The following TCF7L2 variants were observed in gnomAD, a reference collection of about 807,000 sequenced individuals.
TCF7L2 encodes transcription factor 7-like 2.
Under a neutral mutation model 77.9 loss-of-function variants are expected in TCF7L2, and 23 were observed. The ratio of observed to expected loss-of-function variants is 0.30; its 90% CI spans 0.21 to 0.42. The LOEUF is 0.42. Among genes scored for constraint, TCF7L2 ranks in the 10% least tolerant of loss-of-function variants. The pLI, the probability that TCF7L2 is intolerant of heterozygous loss-of-function variation, is 1.00. For missense variants in TCF7L2, 654 were observed against 793.1 expected (o/e 0.82, Z 2.11); for synonymous variants, 413 against 340.2 (o/e 1.21, Z -2.36).
At chr10:112,963,831 A>C (rs924169996) in intron 3 of TCF7L2, among the ~76,000 whole-genome samples, 1 of 152,208 alleles carries the variant, frequency 6.6e-6, no homozygotes, top group Non-Finnish European at 1.5e-5. Flanking sequence ...GTCTGAGCCA[A>C]TCAGTGACTT....
At chr10:112,995,900 CTG>C in intron 4 of TCF7L2, among the ~76,000 whole-genome samples, 1 of 152,236 alleles carries the variant, frequency 6.6e-6, no homozygotes, top group East Asian at 1.9e-4. Context: ...CCAGAAATAT[CTG>C]TGAGTAAATA....
At chr10:113,010,471 G>C (rs1419601454) in intron 4 of TCF7L2, among the ~76,000 whole-genome samples, 1 of 152,128 alleles carries the variant, frequency 6.6e-6, no homozygotes, top group East Asian at 1.9e-4. Flanking sequence ...AGTCCTATGC[G>C]TTCTGTGCCG....
intron 12 of TCF7L2, 133 bp downstream of exon 13, chr10:113,158,850 C>A: frequency 1.3e-6 from 1 of 750,908 alleles, no homozygotes; most frequent in Non-Finnish European, 1.9e-6. Context: ...AACACGGTTT[C>A]GTATGTTTCA....
At chr10:112,965,833 A>T (rs1314892535) in intron 4 of TCF7L2, among the ~76,000 whole-genome samples, 2 of 152,134 alleles carry the variant, frequency 1.3e-5, no homozygotes, top group Non-Finnish European at 2.9e-5. Flanking sequence ...TATTTGGTGC[A>T]TTCCTAGTGT....
chr10:112,953,646 T>G (rs1197337176), intron 3 of TCF7L2, among the ~76,000 whole-genome samples: 1 of 152,240 alleles, frequency 6.6e-6, no homozygotes, highest in Non-Finnish European at 1.5e-5. Flanking sequence ...TGTCTGATAC[T>G]GGCAATCTTG....
chr10:113,146,625 T>G (rs973997022), intron 8 of TCF7L2, among the ~76,000 whole-genome samples: 4 of 151,908 alleles, frequency 2.6e-5, no homozygotes, highest in Admixed American at 6.5e-5. Context: ...GTTTTTGTTT[T>G]TTTTTTTTTA....
chr10:112,974,560 A>G (rs2038993851), intron 4 of TCF7L2, among the ~76,000 whole-genome samples: 1 of 152,102 alleles, frequency 6.6e-6, no homozygotes, highest in South Asian at 2.1e-4. Flanking sequence ...TCTCTGCCTC[A>G]GCCTCCCGAG....
At chr10:112,978,797 A>G (rs1336456849) in intron 4 of TCF7L2, among the ~76,000 whole-genome samples, 2 of 151,814 alleles carry the variant, frequency 1.3e-5, no homozygotes, top group African/African-American at 4.8e-5. Context: ...TGATTTTTAT[A>G]TAATAATATA....
At chr10:113,097,879 C>T (rs931355126) in intron 5 of TCF7L2, among the ~76,000 whole-genome samples, 3 of 151,080 alleles carry the variant, frequency 2.0e-5, no homozygotes, top group African/African-American at 7.3e-5. Context: ...TGGTGAAACC[C>T]TGTCTTTGCT....
At position 112,988,799 on chromosome 10, in the gene TCF7L2, G is replaced by A. The variant is rs4074719; in HGVS notation, c.450+24175G>A. Among the ~76,000 whole-genome samples, 592 of 152,160 alleles carry A rather than the reference G, an allele frequency of 3.9e-3. 3 individuals are homozygous for A. Among genetic ancestry groups the A allele is most frequent in the African/African-American group, 0.013 (555 of 41,510 alleles). ...CATTCCTCCAGAAATAACCTTAATA[G>A]CAACAAGAAAAAAGAATAGGTGTTT... is the stretch of plus-strand genomic sequence containing the variant. On this transcript the variant is annotated intron_variant, in intron 4 of 13. Transcript: ENST00000627217.
chr10:113,121,466 A>C (rs2136290643), intron 5 of TCF7L2, among the ~76,000 whole-genome samples: 1 of 152,310 alleles, frequency 6.6e-6, no homozygotes, highest in Non-Finnish European at 1.5e-5. Context: ...CTAATTGGTG[A>C]AAGTTTTTTT....
At chr10:113,102,284 T>C (rs2061749781) in intron 5 of TCF7L2, among the ~76,000 whole-genome samples, 1 of 152,138 alleles carries the variant, frequency 6.6e-6, no homozygotes, top group Admixed American at 6.6e-5. Flanking sequence ...TCACTGTTTA[T>C]GCCTAAGTTT....
rs923279401 is a variant in TCF7L2, at chr10:113,126,940, T to A, written c.553-14244T>A. The A allele has an allele frequency of 4.9e-5, 48 of 984,722 alleles. No homozygotes were observed. In the African/African-American group the frequency reaches 7.3e-4, roughly 15 times the overall value. The allele number at this position is 984,722 out of a possible 1,614,324, so 61.0% of individuals were successfully genotyped here. On this transcript the variant is annotated intron_variant, in intron 5 of 13. Coordinates refer to ENST00000627217, the MANE Select transcript of TCF7L2 (RefSeq NM_001146274.2). ...GGTGCGCGGTGGCCGGCCCGCTGCA[T>A]CCCGCGCGCCTGCCCTGCTGCGTCC...
chr10:113,080,127 C>T (rs918133796), intron 5 of TCF7L2, among the ~76,000 whole-genome samples: 1 of 151,836 alleles, frequency 6.6e-6, no homozygotes, highest in Non-Finnish European at 1.5e-5. Context: ...AGGGTTTTCC[C>T]CCTTCTCACA....
chr10:113,110,905 T>G (rs1477251417), intron 5 of TCF7L2, among the ~76,000 whole-genome samples: 2 of 152,152 alleles, frequency 1.3e-5, no homozygotes, highest in Non-Finnish European at 2.9e-5. Context: ...AGCTCTGAGT[T>G]TAGATTGGTA....
intron 5 of TCF7L2, among the ~76,000 whole-genome samples, chr10:113,126,280 T>C (rs936675288): frequency 6.1e-4 from 93 of 152,282 alleles, no homozygotes; most frequent in African/African-American, 2.2e-3. Context: ...ATTTTGAGAG[T>C]ACTTTCAGTT....
chr10:113,159,520 CTTT>C (rs1317517604), intron 12 of TCF7L2, among the ~76,000 whole-genome samples: 3 of 151,608 alleles, frequency 2.0e-5, no homozygotes, highest in Non-Finnish European at 4.4e-5. Flanking sequence ...TTATTTTCTT[CTTT>C]AAGAAAAAAA....
intron 4 of TCF7L2, among the ~76,000 whole-genome samples, chr10:112,973,061 G>C (rs946314042): frequency 6.6e-6 from 1 of 152,128 alleles, no homozygotes; most frequent in Admixed American, 6.5e-5. Context: ...TAGAAATCAC[G>C]TGGGACCTGG....
chr10:113,070,257 A>C (rs2057795550), intron 5 of TCF7L2, among the ~76,000 whole-genome samples: 1 of 98,054 alleles, frequency 1.0e-5, no homozygotes, highest in Non-Finnish European at 1.9e-5. Context: ...TCCGTCTTAA[A>C]AAAAAAAAAA....
Sources: allele counts gnomAD v4.1 joint callset (sites outside exome capture counted in the v4.1 genomes callset), GRCh38; gene constraint gnomAD v4.1.1; transcripts MANE v1.5; gene names NCBI Gene and HGNC (gene_info 2026-07-23, HGNC 2026-07-21).